Variants in MRPS28 observed in about 807,000 individuals in gnomAD.
MRPS28 encodes small ribosomal subunit protein bS1m.
Under a neutral mutation model 10.8 loss-of-function variants are expected in MRPS28, and 7 were observed. The ratio of observed to expected loss-of-function variants is 0.65; its 90% confidence interval spans 0.37 to 1.22. The LOEUF (loss-of-function observed/expected upper bound fraction) is 1.22, where lower values mean the gene tolerates loss of function less well. Among genes scored for constraint, MRPS28 ranks in the 50% most tolerant of loss-of-function variants. The pLI is 0.02. For synonymous variants in MRPS28, 121 were observed against 93.3 expected, an observed-to-expected ratio of 1.30 and a Z score of -1.71; for missense variants, 265 against 232.9, an observed-to-expected ratio of 1.14 and a Z score of -0.90.
intron 2 of MRPS28, among the ~76,000 whole-genome samples, chr8:79,965,038 T>C (rs962642592): frequency 2.6e-5 from 4 of 152,138 alleles, no homozygotes; most frequent in East Asian, 1.9e-4. Flanking sequence ...ATATGTGACA[T>C]AGCCATATAT....
intron 2 of MRPS28, among the ~76,000 whole-genome samples, chr8:80,000,202 G>A (rs987874521): frequency 5.3e-5 from 8 of 152,196 alleles, no homozygotes; most frequent in African/African-American, 1.9e-4. Flanking sequence ...ATCAACTCCT[G>A]TAGCACTTTG....
intron 1 of MRPS28, among the ~76,000 whole-genome samples, chr8:80,010,859 G>T (rs1809021155): frequency 6.6e-6 from 1 of 152,222 alleles, no homozygotes; most frequent in East Asian, 1.9e-4. Flanking sequence ...GCACAAAAGG[G>T]TCAATCTAAA....
chr8:80,003,179 C>T lies in MRPS28; in HGVS notation c.215G>A (p.Gly72Asp). The stretch of plus-strand genomic sequence containing the variant: ...AAAGGATTCCACATTTTTTGGAGAA[C>T]CCTAAATATGAAAAGAGATATTTAT... Reference protein sequence around the residue: ...LLQKVEPLQKGSPKNVESFAS... With the variant: ...LLQKVEPLQKDSPKNVESFAS... Residue 72 changes from glycine (G) to aspartate (D), a missense_variant and splice_region_variant, in exon 2 of 3, where the codon GGT becomes GAT. Physicochemically the swap from Gly to Asp is moderately conservative, Grantham distance 94. Transcript: ENST00000276585. 1 of 1,570,776 alleles carries T rather than the reference C, an allele frequency of 6.4e-7. No individual in the cohort carries two copies. Among genetic ancestry groups the T allele is most frequent in the South Asian group, 1.2e-5 (1 of 82,766 alleles).
At chr8:79,988,641 T>A (rs1250027940) in intron 2 of MRPS28, among the ~76,000 whole-genome samples, 1 of 152,214 alleles carries the variant, frequency 6.6e-6, no homozygotes, top group African/African-American at 2.4e-5. Flanking sequence ...AACACAAATG[T>A]CATTTATAGA....
At chr8:79,967,213 T>C (rs978002542) in intron 2 of MRPS28, among the ~76,000 whole-genome samples, 2 of 152,170 alleles carry the variant, frequency 1.3e-5, no homozygotes, top group South Asian at 4.1e-4. Context: ...ACACAGACAA[T>C]GACATTCATT....
intron 2 of MRPS28, among the ~76,000 whole-genome samples, chr8:79,936,589 G>A (rs990471062): frequency 6.6e-5 from 10 of 152,074 alleles, no homozygotes; most frequent in African/African-American, 9.7e-5. Flanking sequence ...TATAAACAAC[G>A]TAAATATCCA....
In MRPS28 at chr8:79,959,106, T is replaced by C. The variant is rs543160350; in HGVS notation, c.396-39958A>G. On this transcript the variant is annotated intron_variant, in intron 2 of 2. Transcript: ENST00000276585. ...TTCACAGTGTGAACTTGTAAAGCACTAGACTGTACAGGAATTACGTTATTT... is the reference window on the plus strand; with the variant it reads ...TTCACAGTGTGAACTTGTAAAGCACCAGACTGTACAGGAATTACGTTATTT... 2.0e-5 allele frequency among the ~76,000 whole-genome samples: 3 copies of C among 152,240 alleles called. No homozygotes were observed. The South Asian group carries it at 6.2e-4, about 32-fold the overall frequency.
chr8:79,967,222 TTCAC>T (rs984888976), intron 2 of MRPS28, among the ~76,000 whole-genome samples: 8 of 152,154 alleles, frequency 5.3e-5, no homozygotes, highest in Non-Finnish European at 8.8e-5. Context: ...ATGACATTCA[TTCAC>T]TCACTCACTC....
intron 2 of MRPS28, among the ~76,000 whole-genome samples, chr8:79,937,677 G>A (rs1367573468): frequency 2.6e-5 from 4 of 152,162 alleles, no homozygotes; most frequent in Non-Finnish European, 5.9e-5. Flanking sequence ...CAATGCAGAC[G>A]TTCTTTTTAC....
chr8:79,924,486 ACTGT>A (rs1343408520), intron 2 of MRPS28, among the ~76,000 whole-genome samples: 7 of 152,316 alleles, frequency 4.6e-5, no homozygotes, highest in Non-Finnish European at 5.9e-5. Flanking sequence ...CTTTAAATAA[ACTGT>A]CTGGGCTTCA....
intron 2 of MRPS28, among the ~76,000 whole-genome samples, chr8:79,977,316 C>G (rs750396849): frequency 6.6e-6 from 1 of 152,026 alleles, no homozygotes; most frequent in Non-Finnish European, 1.5e-5. Flanking sequence ...ATTAGTTTTA[C>G]AAATTGAAAC....
intron 2 of MRPS28, among the ~76,000 whole-genome samples, chr8:79,982,973 CCCT>C (rs1808014515): frequency 3.4e-5 from 3 of 89,284 alleles, no homozygotes; most frequent in Non-Finnish European, 6.4e-5. Context: ...TCAAGTGGGT[CCCT>C]GACGCCTGAC....
intron 2 of MRPS28, among the ~76,000 whole-genome samples, chr8:79,919,803 A>AT (rs983226650): frequency 1.7e-4 from 26 of 152,218 alleles, no homozygotes; most frequent in African/African-American, 5.5e-4. Flanking sequence ...TTAAAACTTT[A>AT]TTTTTTTATT....
intron 2 of MRPS28, chr8:79,957,288 C>T (rs1359144328): frequency 6.6e-6 from 1 of 152,046 alleles, no homozygotes; most frequent in Non-Finnish European, 1.5e-5. Context: ...AAAGGTCAGA[C>T]CTTTATGACA....
intron 2 of MRPS28, among the ~76,000 whole-genome samples, chr8:79,983,531 A>C (rs1024902357): frequency 1.3e-5 from 2 of 152,192 alleles, no homozygotes; most frequent in African/African-American, 4.8e-5. Flanking sequence ...TTTGAAAAAA[A>C]TTTAGACGAA....
chr8:80,001,747 T>G (rs1364291615), intron 2 of MRPS28, among the ~76,000 whole-genome samples: 1 of 152,230 alleles, frequency 6.6e-6, no homozygotes, highest in Non-Finnish European at 1.5e-5. Flanking sequence ...GAGCACAGTC[T>G]TTCAGTTGAC....
intron 1 of MRPS28, among the ~76,000 whole-genome samples, chr8:80,007,967 C>A (rs1467952315): frequency 6.6e-6 from 1 of 152,192 alleles, no homozygotes; most frequent in Non-Finnish European, 1.5e-5. Flanking sequence ...ATTGCCAAGT[C>A]AATCCTAAGC....
At chr8:80,027,045 G>A (rs1007439646) in intron 1 of MRPS28, among the ~76,000 whole-genome samples, 1 of 150,536 alleles carries the variant, frequency 6.6e-6, no homozygotes, top group Non-Finnish European at 1.5e-5. Flanking sequence ...CCACCAGAGC[G>A]GTACATCAGT....
chr8:79,968,740 T>A (rs1807560738), intron 2 of MRPS28, among the ~76,000 whole-genome samples: 1 of 151,868 alleles, frequency 6.6e-6, no homozygotes, highest in Admixed American at 6.6e-5. Flanking sequence ...AAGAATCAGT[T>A]CAATTGTCAC....
Sources: allele counts gnomAD v4.1 joint callset (sites outside exome capture counted in the v4.1 genomes callset), GRCh38; gene constraint gnomAD v4.1.1; transcripts MANE v1.5; gene names NCBI Gene and HGNC (gene_info 2026-07-23, HGNC 2026-07-21).